The following TAOK1 variants were observed in gnomAD, a reference collection of about 807,000 sequenced individuals.
The protein encoded by TAOK1 is serine/threonine-protein kinase TAO1.
TAOK1 carries 21 observed loss-of-function variants against 138.3 expected under a neutral mutation model. The ratio of observed to expected loss-of-function variants is 0.15; its 90% CI spans 0.11 to 0.22. TAOK1 has a LOEUF of 0.22. TAOK1 is among the 10% of genes least tolerant of loss of function. The pLI is 1.00. For synonymous variants in TAOK1, 361 were observed against 398.4 expected, an observed-to-expected ratio of 0.91 and a Z score of 1.12; for missense variants, 651 against 1,227.7, an observed-to-expected ratio of 0.53 and a Z score of 7.02.
At chr17:29,422,306 C>T (rs1046617176) in intron 1 of TAOK1, among the ~76,000 whole-genome samples, 1 of 151,900 alleles carries the variant, frequency 6.6e-6, no homozygotes, top group Non-Finnish European at 1.5e-5. Flanking sequence ...TGGGTTTAAG[C>T]GATTCTCCTG....
intron 8 of TAOK1, among the ~76,000 whole-genome samples, chr17:29,484,263 G>T (rs1200611198): frequency 3.3e-5 from 5 of 152,110 alleles, no homozygotes; most frequent in Admixed American, 6.5e-5. Context: ...TAATTTCTTA[G>T]AATTTTAGGC....
intron 1 of TAOK1, among the ~76,000 whole-genome samples, chr17:29,432,727 G>C (rs561118686): frequency 6.6e-6 from 1 of 152,140 alleles, no homozygotes; most frequent in East Asian, 1.9e-4. Flanking sequence ...CACCCACCTT[G>C]GCCTCCCAAA....
chr17:29,489,661 C>A lies in TAOK1; in HGVS notation c.656-3C>A. 6.3e-7 allele frequency: 1 copy of A among 1,596,996 alleles called. No homozygotes were observed. The highest frequency in any genetic ancestry group is 1.1e-5 in the South Asian group (1 of 88,606). The stretch of plus-strand genomic sequence containing the variant: ...TAACAGGAATGTTTCCTTTCTTTTA[C>A]AGCGGAAAGGAAGCCTCCTTTATTT... On this transcript the variant is annotated splice_polypyrimidine_tract_variant and splice_region_variant and intron_variant, in intron 8 of 19. Transcript: ENST00000261716.
chr17:29,534,528 G>A (rs1411775944), intron 19 of TAOK1, among the ~76,000 whole-genome samples: 2 of 152,182 alleles, frequency 1.3e-5, no homozygotes, highest in Admixed American at 6.5e-5. Context: ...AGTAGTAATT[G>A]CTAGAGAAAA....
chr17:29,496,472 T>C (rs904089114), intron 11 of TAOK1, among the ~76,000 whole-genome samples: 1 of 152,044 alleles, frequency 6.6e-6, no homozygotes, highest in Admixed American at 6.6e-5. Context: ...TTGGAAGTTC[T>C]TGAATTACAG....
chr17:29,487,573 G>A (rs2031199945), intron 8 of TAOK1, among the ~76,000 whole-genome samples: 1 of 152,130 alleles, frequency 6.6e-6, no homozygotes, highest in Non-Finnish European at 1.5e-5. Flanking sequence ...GCTAGGGAAA[G>A]CACAAGATGA....
chr17:29,424,873 A>G (rs1176080658), intron 1 of TAOK1: 1 of 152,056 alleles, frequency 6.6e-6, no homozygotes, highest in Non-Finnish European at 1.5e-5. Context: ...AGCACATGTA[A>G]GTTTCTTTTG....
intron 13 of TAOK1, among the ~76,000 whole-genome samples, chr17:29,503,674 T>A (rs2031574464): frequency 6.6e-6 from 1 of 152,078 alleles, no homozygotes; most frequent in African/African-American, 2.4e-5. Flanking sequence ...AAGTAGGCTA[T>A]TAGAAAACAT....
intron 17 of TAOK1, among the ~76,000 whole-genome samples, chr17:29,529,561 G>T (rs555143638): frequency 6.6e-6 from 1 of 152,104 alleles, no homozygotes; most frequent in East Asian, 1.9e-4. Context: ...GTGAAACCTT[G>T]TCTCTACAAA....
At chr17:29,422,757 A>G (rs1231266601) in intron 1 of TAOK1, among the ~76,000 whole-genome samples, 1 of 152,126 alleles carries the variant, frequency 6.6e-6, no homozygotes, top group Non-Finnish European at 1.5e-5. Context: ...TGGGCGTGCT[A>G]CTGCACGCCT....
chr17:29,497,063 C>T (rs2031428861), intron 11 of TAOK1, among the ~76,000 whole-genome samples: 1 of 152,044 alleles, frequency 6.6e-6, no homozygotes, highest in African/African-American at 2.4e-5. Flanking sequence ...AGAAGTATTA[C>T]AGAACTTCCT....
At chr17:29,498,723 G>A (rs2031458754) in intron 12 of TAOK1, among the ~76,000 whole-genome samples, 1 of 152,128 alleles carries the variant, frequency 6.6e-6, no homozygotes, top group African/African-American at 2.4e-5. Flanking sequence ...TTCAAGACCA[G>A]CCTGGCCGAC....
intron 5 of TAOK1, 102 bp from the exon 6 acceptor site, chr17:29,478,149 T>C: frequency 1.4e-6 from 1 of 691,806 alleles, no homozygotes; most frequent in Non-Finnish European, 2.3e-6. Flanking sequence ...AATAAATCTC[T>C]TCTTGCTAAG....
chr17:29,446,383 A>G lies in TAOK1; in HGVS notation c.-94-5072A>G, dbSNP rs1437614047. ...CAGCCTACCGAGTACCTGGGACTAC[A>G]GGTGTGCACTACCACGCCCAGCTAG... On this transcript the variant is annotated intron_variant, in intron 1 of 19. Coordinates refer to ENST00000261716, the MANE Select transcript of TAOK1 (RefSeq NM_020791.4). Among the ~76,000 whole-genome samples the G allele has an allele frequency of 2.6e-5, 4 of 152,180 alleles. No individual in the cohort carries two copies. The East Asian group carries it at 7.7e-4, about 29-fold the overall frequency.
intron 1 of TAOK1, among the ~76,000 whole-genome samples, chr17:29,444,966 T>C (rs184268369): frequency 6.6e-6 from 1 of 152,378 alleles, no homozygotes; most frequent in Admixed American, 6.5e-5. Context: ...TACACAATAA[T>C]ATTGTCAATA....
At chr17:29,437,335 T>C (rs1906066423) in intron 1 of TAOK1, among the ~76,000 whole-genome samples, 1 of 152,090 alleles carries the variant, frequency 6.6e-6, no homozygotes, top group African/African-American at 2.4e-5. Flanking sequence ...GCACTGGGAT[T>C]ACAGGTTTGA....
intron 1 of TAOK1, among the ~76,000 whole-genome samples, chr17:29,418,685 ATTCCCTACACATCAC>A (rs1183187049): frequency 1.3e-5 from 2 of 152,082 alleles, no homozygotes; most frequent in African/African-American, 4.8e-5. Flanking sequence ...TACTAAATGC[ATTCCCTACACATCAC>A]TTCATTCTTC....
intron 17 of TAOK1, among the ~76,000 whole-genome samples, chr17:29,525,093 G>A (rs934081940): frequency 5.5e-5 from 7 of 127,938 alleles, no homozygotes; most frequent in African/African-American, 1.7e-4. Context: ...CTGGCACAAT[G>A]TTTGTTTTTT....
At chr17:29,504,250 C>CTGGG (rs1169312214) in intron 13 of TAOK1, among the ~76,000 whole-genome samples, 1 of 120,454 alleles carries the variant, frequency 8.3e-6, no homozygotes, top group East Asian at 2.4e-4. Flanking sequence ...GCACTCCAGC[C>CTGGG]TGGGTGACAG....
Sources: allele counts gnomAD v4.1 joint callset (sites outside exome capture counted in the v4.1 genomes callset), GRCh38; gene constraint gnomAD v4.1.1; transcripts MANE v1.5; gene names NCBI Gene and HGNC (gene_info 2026-07-23, HGNC 2026-07-21).